GCSH: variants seen among roughly 807,000 people sequenced by gnomAD.
GCSH encodes the protein glycine cleavage system H protein, mitochondrial.
Under a neutral mutation model 21.3 loss-of-function variants are expected in GCSH, and 15 were observed. The observed-to-expected ratio is 0.70, with a 90% CI of 0.47 to 1.08. The LOEUF (loss-of-function observed/expected upper bound fraction) is 1.08, where lower values mean the gene tolerates loss of function less well. Ranked by LOEUF, GCSH falls within the 50% of genes least tolerant of loss-of-function variation. The pLI is 0.00. For missense variants in GCSH, 179 were observed against 217.5 expected (o/e 0.82, Z 1.11); for synonymous variants, 59 against 84.5 (o/e 0.70, Z 1.66).
chr16:81,087,452 G>A, intron 3 of GCSH, 149 bp downstream of exon 3: 1 of 681,654 alleles, frequency 1.5e-6, no homozygotes, highest in South Asian at 1.6e-5. Context: ...GGGCCGAGAT[G>A]GTGCCACTGC....
At chr16:81,085,311 C>A (rs1054681823) in intron 3 of GCSH, among the ~76,000 whole-genome samples, 5 of 152,136 alleles carry the variant, frequency 3.3e-5, no homozygotes, top group African/African-American at 1.2e-4. Flanking sequence ...CCGTGCCTGG[C>A]CTACATTTCT....
At chr16:81,086,401 T>A (rs8177928) in intron 3 of GCSH, among the ~76,000 whole-genome samples, 5,667 of 150,898 alleles carry the variant, frequency 0.038, 281 homozygotes, top group African/African-American at 0.12. Flanking sequence ...TTAATTAATT[T>A]AAAAAATTAG....
At chr16:81,095,222 A>T (rs1044539549) in intron 1 of GCSH, among the ~76,000 whole-genome samples, 13 of 152,188 alleles carry the variant, frequency 8.5e-5, no homozygotes, top group African/African-American at 3.1e-4. Flanking sequence ...GTTAGGGCTC[A>T]TTTCAGCAAG....
chr16:81,093,241 C>G (rs1267513279), intron 1 of GCSH, among the ~76,000 whole-genome samples: 1 of 152,016 alleles, frequency 6.6e-6, no homozygotes, highest in African/African-American at 2.4e-5. Flanking sequence ...TCTCACTCTG[C>G]TACAAATCGC....
At position 81,082,761 on chromosome 16, in the gene GCSH, C is replaced by T. The variant is rs765499336; in HGVS notation, c.*105G>A. 83 of 657,224 alleles carry T rather than the reference C, an allele frequency of 1.3e-4. No homozygotes were observed. The highest frequency in any genetic ancestry group is 2.1e-4 in the Non-Finnish European group (77 of 363,650). The allele number at this position is 657,224 out of a possible 1,614,324, so 40.7% of individuals were successfully genotyped here. ...TTAACAGTAGTTTTTTTTTCCCCAT[C>T]GGTAATACTAAAAGTTTCTATTCTA... is the stretch of plus-strand genomic sequence containing the variant. On this transcript the variant is annotated 3_prime_UTR_variant, in exon 5 of 5. Coordinates refer to ENST00000315467, the MANE Select transcript of GCSH (RefSeq NM_004483.5).
At chr16:81,087,088 C>T (rs765525968) in intron 3 of GCSH, among the ~76,000 whole-genome samples, 7 of 151,716 alleles carry the variant, frequency 4.6e-5, no homozygotes, top group South Asian at 2.1e-4. Flanking sequence ...TTTTTTAAAA[C>T]GGAGTCTTGC....
intron 1 of GCSH, among the ~76,000 whole-genome samples, chr16:81,095,093 A>G (rs1972474859): frequency 1.9e-5 from 1 of 52,326 alleles, no homozygotes; most frequent in South Asian, 1.4e-3. Context: ...GCTCCGTCTC[A>G]ATAAAAAGAA....
chr16:81,091,627 G>A (rs1284135084), intron 1 of GCSH, among the ~76,000 whole-genome samples: 1 of 152,162 alleles, frequency 6.6e-6, no homozygotes, highest in Non-Finnish European at 1.5e-5. Flanking sequence ...TGCAACGTAA[G>A]TTCATAGAAA....
intron 2 of GCSH, among the ~76,000 whole-genome samples, chr16:81,089,839 A>G (rs1972362816): frequency 1.3e-5 from 2 of 152,140 alleles, no homozygotes; most frequent in South Asian, 4.1e-4. Context: ...ATCTGTGCCT[A>G]TTGAGGTTTT....
At chr16:81,096,077 G>A (rs959090481) in intron 1 of GCSH, 54 bp downstream of exon 1, 2 of 1,225,492 alleles carry the variant, frequency 1.6e-6, no homozygotes, top group East Asian at 3.2e-5. Flanking sequence ...CTGGGCCCGG[G>A]ACAAGCAGCC....
chr16:81,085,056 C>T (rs534377771), intron 3 of GCSH, among the ~76,000 whole-genome samples: 5 of 131,986 alleles, frequency 3.8e-5, no homozygotes, highest in Non-Finnish European at 7.7e-5. Flanking sequence ...CGCTCTGTCA[C>T]CAGGCTACAG....
intron 1 of GCSH, among the ~76,000 whole-genome samples, chr16:81,095,377 ATTTTTTTTTTTTT>A (rs78295348): frequency 3.4e-5 from 5 of 146,336 alleles, no homozygotes; most frequent in East Asian, 2.0e-4. Context: ...TGGCGCTTTA[ATTTTTTTTTTTTT>A]TTTTTTTTTT....
At chr16:81,083,617 T>G (rs1438898602) in intron 4 of GCSH, 2 of 153,124 alleles carry the variant, frequency 1.3e-5, no homozygotes, top group Non-Finnish European at 2.9e-5. Flanking sequence ...TTAACGGGAT[T>G]AGAAAGCAGT....
In GCSH at chr16:81,082,004, C is replaced by G. The variant is rs993963247; in HGVS notation, c.*862G>C. On this transcript the variant is annotated 3_prime_UTR_variant, in exon 5 of 5. Transcript: ENST00000315467. The stretch of plus-strand genomic sequence containing the variant: ...TTATTCCCATGACTTAAGTGGAAAC[C>G]TGAACGTGGTTTAACAACTTAAAAA... 2.2e-6 allele frequency: 1 copy of G among 452,140 alleles called. No homozygotes were observed. The highest frequency in any genetic ancestry group is 2.0e-5 in the African/African-American group (1 of 49,184). The allele number at this position is 452,140 out of a possible 1,614,324, so 28.0% of individuals were successfully genotyped here.
chr16:81,091,017 GA>G (rs986381237), intron 1 of GCSH: 10 of 443,266 alleles, frequency 2.3e-5, no homozygotes, highest in Admixed American at 9.0e-5. Flanking sequence ...CTGTCTTGCA[GA>G]AAAAAAAATC....
At chr16:81,092,586 T>A (rs939559095) in intron 1 of GCSH, among the ~76,000 whole-genome samples, 1 of 145,830 alleles carries the variant, frequency 6.9e-6, no homozygotes, top group African/African-American at 2.6e-5. Context: ...ACTAAAAAAA[T>A]ACAAAAATTA....
At chr16:81,085,463 G>A (rs1370497166) in intron 3 of GCSH, among the ~76,000 whole-genome samples, 1 of 152,178 alleles carries the variant, frequency 6.6e-6, no homozygotes, top group Admixed American at 6.5e-5. Context: ...CCAGATGTGT[G>A]TAGGTTCAGT....
rs8177954 is a variant in GCSH at position 81,082,767 on chromosome 16, T to C, written c.*99A>G. On this transcript the variant is annotated 3_prime_UTR_variant, in exon 5 of 5. Coordinates refer to ENST00000315467, the MANE Select transcript of GCSH (RefSeq NM_004483.5). ...GTAGTTTTTTTTTCCCCATCGGTAA[T>C]ACTAAAAGTTTCTATTCTAAGTCTT... The C allele has an allele frequency of 3.0e-4, 207 of 682,974 alleles. 1 individual carries two copies. The East Asian group carries it at 4.7e-3, about 16-fold the overall frequency. 42.3% of individuals were successfully genotyped at this position (682,974 alleles called of 1,614,324 possible). A position where few individuals can be genotyped will look rare whatever the true frequency, so the allele number is the denominator to read the frequency against.
intron 2 of GCSH, among the ~76,000 whole-genome samples, chr16:81,087,983 G>A (rs981011378): frequency 3.2e-4 from 48 of 152,100 alleles, no homozygotes; most frequent in Admixed American, 3.1e-3. Context: ...AAAATTAGCT[G>A]GGTGTGGTGG....
Sources: allele counts gnomAD v4.1 joint callset (sites outside exome capture counted in the v4.1 genomes callset), GRCh38; gene constraint gnomAD v4.1.1; transcripts MANE v1.5; gene names NCBI Gene and HGNC (gene_info 2026-07-23, HGNC 2026-07-21).